Variants in PNPLA8 observed in about 807,000 individuals in gnomAD.
The protein encoded by PNPLA8 is patatin like domain 8, phospholipase A2.
In PNPLA8, 39 loss-of-function variants were observed where a neutral mutation model predicts 76.9. The ratio of observed to expected loss-of-function variants is 0.51; its 90% CI spans 0.39 to 0.66. The LOEUF is 0.66. PNPLA8 is among the 30% of genes least tolerant of loss of function. The pLI is 0.00. For missense variants in PNPLA8, 887 were observed against 918.0 expected (o/e 0.97, Z 0.44); for synonymous variants, 301 against 307.9 (o/e 0.98, Z 0.24).
At chr7:108,506,494 A>G (rs1372004303) in intron 4 of PNPLA8, among the ~76,000 whole-genome samples, 1 of 152,196 alleles carries the variant, frequency 6.6e-6, no homozygotes, top group Admixed American at 6.5e-5. Flanking sequence ...GGCAGTATCT[A>G]CTAACGTTAC....
rs3763458 is a variant in PNPLA8 at position 108,515,660 on chromosome 7, T to C, written c.-83-86A>G. The stretch of plus-strand genomic sequence containing the variant: ...AAACACAAGACTATTTGGACTAAAC[T>C]CAGCAAGCTGTCTCAAAAAAAGCAG... On this transcript the variant is annotated intron_variant, in intron 2 of 10. Transcript: ENST00000257694. The C allele has an allele frequency of 4.5e-3, 3,025 of 679,182 alleles. 142 individuals are homozygous for C. The East Asian group carries it at 0.085, about 19-fold the overall frequency. The allele number at this position is 679,182 out of a possible 1,614,324, so 42.1% of individuals were successfully genotyped here.
rs776570180 is a variant in PNPLA8, at chr7:108,514,249, A to C, written c.1101T>G (p.Val367=). 1.2e-6 allele frequency: 2 copies of C among 1,611,664 alleles called. No individual in the cohort carries two copies. Among genetic ancestry groups the C allele is most frequent in the African/African-American group, 2.7e-5 (2 of 74,884 alleles). ...VSIDNRTRAL[V]QALRRTTDPK... is the part of the protein sequence containing the mutation. Reference sequence around the variant, plus strand: ...GGTCAGTTGTTCTTCTTAATGCCTGAACTAATGCCCGGGTCCTGTTATCAA... The same window carrying C: ...GGTCAGTTGTTCTTCTTAATGCCTGCACTAATGCCCGGGTCCTGTTATCAA... Residue 367 remains valine (V), a synonymous_variant, in exon 4 of 11, where the codon GTT becomes GTG. Coordinates refer to ENST00000257694, the MANE Select transcript of PNPLA8 (RefSeq NM_001256007.3).
chr7:108,474,723 A>G (rs1339904260), intron 10 of PNPLA8, among the ~76,000 whole-genome samples: 1 of 152,142 alleles, frequency 6.6e-6, no homozygotes, highest in Non-Finnish European at 1.5e-5. Context: ...CATCTTTGTA[A>G]AAAGTCTTTT....
chr7:108,527,747 A>G (rs887235288), upstream of PNPLA8: 6 of 152,216 alleles, frequency 3.9e-5, no homozygotes, highest in African/African-American at 1.2e-4. Flanking sequence ...GAGATGATCA[A>G]TTATCAAGGC....
chr7:108,514,435 C>G lies in PNPLA8; in HGVS notation c.1056+1G>C. ...ACCGAAAAGCACACTGAACAACTTG[C>G]CTTTTCTCGCTGAAGAGATAAACGC... On this transcript the variant is annotated splice_donor_variant, in intron 3 of 10. Coordinates refer to ENST00000257694, the MANE Select transcript of PNPLA8 (RefSeq NM_001256007.3). LOFTEE classifies it high-confidence loss of function. 1 of 1,598,884 alleles carries G rather than the reference C, an allele frequency of 6.3e-7. No homozygotes were observed. Among genetic ancestry groups the G allele is most frequent in the Non-Finnish European group, 8.5e-7 (1 of 1,173,298 alleles).
chr7:108,527,575 G>A (rs1490236596), upstream of PNPLA8: 1 of 152,186 alleles, frequency 6.6e-6, no homozygotes, highest in African/African-American at 2.4e-5. Context: ...CACCATGGGG[G>A]AGAGAGATTG....
chr7:108,496,573 T>C lies in PNPLA8; in HGVS notation c.1625+11A>G, dbSNP rs554676664. ...TAATCAGAAGATTTAAAAAGAGTAA[T>C]TGTAACTTACTTAAGAATGTTTTCC... On this transcript the variant is annotated intron_variant, in intron 7 of 10. Transcript: ENST00000257694. The C allele has an allele frequency of 3.2e-6, 5 of 1,558,138 alleles. No individual in the cohort carries two copies. The South Asian group carries it at 4.7e-5, about 15-fold the overall frequency.
intron 10 of PNPLA8, 34 bp from the exon 11 acceptor site, chr7:108,472,709 A>C (rs1859710308): frequency 6.8e-7 from 1 of 1,480,722 alleles, no homozygotes. Context: ...ATAAGGGGAT[A>C]AGAAAAGAGG....
chr7:108,475,482 G>A (rs1161807748), intron 10 of PNPLA8, among the ~76,000 whole-genome samples: 1 of 151,908 alleles, frequency 6.6e-6, no homozygotes, highest in Non-Finnish European at 1.5e-5. Flanking sequence ...ATTTTGACAG[G>A]AATTGTATTG....
At chr7:108,502,833 T>C in intron 4 of PNPLA8, 191 bp from the exon 5 acceptor site, 1 of 394,846 alleles carries the variant, frequency 2.5e-6, no homozygotes, top group Non-Finnish European at 4.4e-6. Flanking sequence ...ACATTTGTTC[T>C]AATATTGAGG....
intron 7 of PNPLA8, among the ~76,000 whole-genome samples, chr7:108,492,851 T>C (rs569354383): frequency 6.6e-6 from 1 of 152,330 alleles, no homozygotes; most frequent in East Asian, 1.9e-4. Flanking sequence ...TCTCTTCCTA[T>C]ACAGACTCTT....
In PNPLA8 at chr7:108,471,095, T is replaced by C. The variant is rs1292357963; in HGVS notation, c.*1306A>G. ...TGTAAGGATTTATGTGACAAATAGATACAATAAAGATGAGTTTGTTTGGCA... is the reference window on the plus strand; with the variant it reads ...TGTAAGGATTTATGTGACAAATAGACACAATAAAGATGAGTTTGTTTGGCA... On this transcript the variant is annotated 3_prime_UTR_variant, in exon 11 of 11. Coordinates refer to ENST00000257694, the MANE Select transcript of PNPLA8 (RefSeq NM_001256007.3). 1 of 152,154 alleles carries C rather than the reference T, an allele frequency of 6.6e-6. No homozygotes were observed. The highest frequency in any genetic ancestry group is 2.4e-5 in the African/African-American group (1 of 41,422). The allele number at this position is 152,154 out of a possible 1,614,324, so 9.4% of individuals were successfully genotyped here. A position where few individuals can be genotyped will look rare whatever the true frequency, so the allele number is the denominator to read the frequency against.
intron 5 of PNPLA8, among the ~76,000 whole-genome samples, chr7:108,500,248 A>G (rs546826471): frequency 6.6e-6 from 1 of 152,280 alleles, no homozygotes; most frequent in Admixed American, 6.5e-5. Flanking sequence ...CCTTAGTGAA[A>G]TGCCCCTACT....
At chr7:108,513,497 T>G (rs77295210) in intron 4 of PNPLA8, among the ~76,000 whole-genome samples, 3,323 of 152,202 alleles carry the variant, frequency 0.022, 49 homozygotes, top group African/African-American at 0.032. Flanking sequence ...TAATGAAATG[T>G]AAGCAGTATC....
chr7:108,522,006 C>A (rs1863769485), intron 1 of PNPLA8, among the ~76,000 whole-genome samples: 1 of 152,060 alleles, frequency 6.6e-6, no homozygotes, highest in Non-Finnish European at 1.5e-5. Flanking sequence ...TGATAAGAAA[C>A]ATTTACAGGC....
At chr7:108,504,830 A>C (rs1175239120) in intron 4 of PNPLA8, among the ~76,000 whole-genome samples, 1 of 152,002 alleles carries the variant, frequency 6.6e-6, no homozygotes, top group Non-Finnish European at 1.5e-5. Context: ...TAATCCCAGC[A>C]CTTTGGGAAG....
chr7:108,509,010 T>C (rs1477096947), intron 4 of PNPLA8, among the ~76,000 whole-genome samples: 1 of 121,058 alleles, frequency 8.3e-6, no homozygotes, highest in African/African-American at 3.5e-5. Context: ...CCTTACACCT[T>C]ATACAAAAAT....
chr7:108,472,700 T>C (rs377686229), intron 10 of PNPLA8, 25 bp from the exon 11 acceptor site: 1 of 1,516,310 alleles, frequency 6.6e-7, no homozygotes, highest in Non-Finnish European at 8.8e-7. Context: ...AAGAAAAGGA[T>C]AAGGGGATAA....
At chr7:108,490,512 G>A (rs867256493) in intron 8 of PNPLA8, among the ~76,000 whole-genome samples, 4 of 152,170 alleles carry the variant, frequency 2.6e-5, no homozygotes, top group South Asian at 4.1e-4. Flanking sequence ...GGCTGGGCGC[G>A]GTGGCTCACG....
Sources: gnomAD v4.1 joint callset for allele counts (sites outside exome capture counted in the v4.1 genomes callset) on GRCh38, gnomAD v4.1.1 for gene constraint, MANE v1.5 for transcripts, NCBI Gene and HGNC (gene_info 2026-07-23, HGNC 2026-07-21) for gene names.